The following EFCAB8 variants were observed in gnomAD, a reference collection of about 807,000 sequenced individuals.
EFCAB8 encodes the protein EF-hand calcium-binding domain-containing protein 8.
EFCAB8 carries 100 observed loss-of-function variants against 116.3 expected under a neutral mutation model. The observed-to-expected ratio is 0.86, with a 90% CI of 0.73 to 1.02. EFCAB8 has a LOEUF of 1.02. EFCAB8 is among the 50% of genes least tolerant of loss of function. EFCAB8 has a pLI of 0.00. For missense variants in EFCAB8, 1,320 were observed against 1,416.9 expected (o/e 0.93, Z 1.10); for synonymous variants, 558 against 567.9 (o/e 0.98, Z 0.25).
At chr20:32,939,195 CT>C (rs1170238933) in intron 22 of EFCAB8, among the ~76,000 whole-genome samples, 3 of 58,916 alleles carry the variant, frequency 5.1e-5, no homozygotes, top group South Asian at 4.9e-4. Context: ...TTCTTTCTTT[CT>C]TTCTTTCCTC....
chr20:32,918,283 T>A, intron 18 of EFCAB8, 79 bp from the exon 19 acceptor site: 1 of 1,406,668 alleles, frequency 7.1e-7, no homozygotes, highest in South Asian at 1.3e-5. Flanking sequence ...CCCTGTGGTG[T>A]TGGCATTGAT....
At chr20:32,887,785 C>T (rs575482273) in intron 6 of EFCAB8, among the ~76,000 whole-genome samples, 1 of 152,360 alleles carries the variant, frequency 6.6e-6, no homozygotes, top group East Asian at 1.9e-4. Flanking sequence ...GCAGGATGCA[C>T]CAGTGCTGAG....
chr20:32,889,061 G>T (rs1985778849), intron 6 of EFCAB8, among the ~76,000 whole-genome samples: 1 of 152,114 alleles, frequency 6.6e-6, no homozygotes, highest in Non-Finnish European at 1.5e-5. Flanking sequence ...CTGTGAGACT[G>T]CTCCAGAAAG....
intron 6 of EFCAB8, among the ~76,000 whole-genome samples, chr20:32,888,378 A>G (rs1400780422): frequency 6.6e-6 from 1 of 152,182 alleles, no homozygotes; most frequent in East Asian, 1.9e-4. Flanking sequence ...GGTGAGCACC[A>G]CCACGCCCAG....
intron 11 of EFCAB8, among the ~76,000 whole-genome samples, chr20:32,903,294 C>T (rs1986518932): frequency 6.6e-6 from 1 of 152,210 alleles, no homozygotes; most frequent in Non-Finnish European, 1.5e-5. Flanking sequence ...TTCAGGTCTC[C>T]GCTGCCCTGG....
intron 20 of EFCAB8, among the ~76,000 whole-genome samples, chr20:32,929,961 T>C (rs925635317): frequency 6.6e-6 from 1 of 152,232 alleles, no homozygotes; most frequent in African/African-American, 2.4e-5. Context: ...TTTAAAATGC[T>C]TTCTTGATGA....
chr20:32,957,282 T>C (rs974847533), intron 23 of EFCAB8, among the ~76,000 whole-genome samples: 2 of 151,902 alleles, frequency 1.3e-5, no homozygotes, highest in Admixed American at 6.6e-5. Context: ...ATTGGTTATA[T>C]TGGCCTTTTC....
In EFCAB8 at chr20:32,909,810, C is replaced by G. The variant is rs1986835146; in HGVS notation, c.1447-11C>G. ...GACAGACAAGCTCTCTGCCCCTTTCCTCACCTACAGATCGGGATCCTAAAA... is the reference window on the plus strand; with the variant it reads ...GACAGACAAGCTCTCTGCCCCTTTCGTCACCTACAGATCGGGATCCTAAAA... On this transcript the variant is annotated splice_polypyrimidine_tract_variant and intron_variant, in intron 14 of 26. Transcript: ENST00000400522. 4 of 1,237,948 alleles carry G rather than the reference C, an allele frequency of 3.2e-6. No homozygotes were observed. The highest frequency in any genetic ancestry group is 3.1e-5 in the African/African-American group (2 of 64,300). 76.7% of individuals were successfully genotyped at this position (1,237,948 alleles called of 1,614,324 possible). A position where few individuals can be genotyped will look rare whatever the true frequency, so the allele number is the denominator to read the frequency against.
chr20:32,903,211 T>C (rs1303127172), intron 11 of EFCAB8, among the ~76,000 whole-genome samples: 5 of 152,192 alleles, frequency 3.3e-5, no homozygotes, highest in Non-Finnish European at 7.3e-5. Context: ...CACACCGGCC[T>C]TGCATAGGCT....
chr20:32,900,518 G>A (rs980475277), intron 11 of EFCAB8, among the ~76,000 whole-genome samples: 7 of 151,588 alleles, frequency 4.6e-5, no homozygotes, highest in Admixed American at 6.6e-5. Context: ...GTGCCCCCGT[G>A]CTCAGCTAAT....
intron 22 of EFCAB8, among the ~76,000 whole-genome samples, chr20:32,931,624 G>T (rs1270140427): frequency 1.3e-5 from 2 of 152,148 alleles, no homozygotes; most frequent in African/African-American, 2.4e-5. Flanking sequence ...GAGTGTGGTG[G>T]TGCACTCCTT....
At chr20:32,868,903 T>TGAATCTGG (rs1268055853) in intron 3 of EFCAB8, among the ~76,000 whole-genome samples, 3 of 151,936 alleles carry the variant, frequency 2.0e-5, no homozygotes, top group African/African-American at 7.3e-5. Flanking sequence ...GAGAATCGCT[T>TGAATCTGG]GAATCTGGGA....
chr20:32,911,740 G>A (rs776208644), intron 16 of EFCAB8, 33 bp downstream of exon 16: 7 of 1,544,832 alleles, frequency 4.5e-6, no homozygotes, highest in East Asian at 2.4e-5. Context: ...AGCCAGGGAC[G>A]GCCTCTTGGG....
rs1333432144 is a variant in EFCAB8, at chr20:32,930,553, T to C, written c.2568T>C (p.Gly856=). Reference sequence around the variant, plus strand: ...TAGACAATGGGGATGTTGTCGTGGGTGCCATGGCCACTGATAAAAATGACT... The same window carrying C: ...TAGACAATGGGGATGTTGTCGTGGGCGCCATGGCCACTGATAAAAATGACT... ...VDLDNGDVVV[G]AMATDKNDWI... Residue 856 remains glycine, a synonymous_variant, in exon 21 of 27, where the codon GGT becomes GGC. Coordinates refer to ENST00000400522, the MANE Select transcript of EFCAB8 (RefSeq NM_001143967.2). 1 of 1,552,274 alleles carries C rather than the reference T, an allele frequency of 6.4e-7. No homozygotes were observed. Among genetic ancestry groups the C allele is most frequent in the Admixed American group, 2.0e-5 (1 of 51,006 alleles).
At chr20:32,949,955 G>T (rs369666933) in intron 23 of EFCAB8, among the ~76,000 whole-genome samples, 22 of 152,240 alleles carry the variant, frequency 1.4e-4, no homozygotes, top group African/African-American at 5.1e-4. Context: ...AGCCAAGATC[G>T]CACCACTGCA....
Position 32,961,836 on chromosome 20 carries a change from G to C in EFCAB8, c.*227G>C, listed in dbSNP as rs758708021. Among the ~76,000 whole-genome samples, 4 of 152,256 alleles carry C rather than the reference G, an allele frequency of 2.6e-5. No homozygotes were observed. Among genetic ancestry groups the C allele is most frequent in the Non-Finnish European group, 4.4e-5 (3 of 68,048 alleles). On this transcript the variant is annotated 3_prime_UTR_variant, in exon 27 of 27. Transcript: ENST00000400522. ...ATGTTCTCAGCTGTGGGCATCCACA[G>C]GTGATGAGGTTGGGCTGTGTGTTCC...
chr20:32,885,765 C>A, intron 6 of EFCAB8, 125 bp downstream of exon 6: 1 of 1,238,838 alleles, frequency 8.1e-7, no homozygotes, highest in South Asian at 1.6e-5. Context: ...GACTTGCAGT[C>A]ACAGCACCTG....
At chr20:32,929,795 G>A (rs1268624388) in intron 20 of EFCAB8, among the ~76,000 whole-genome samples, 6 of 152,128 alleles carry the variant, frequency 3.9e-5, no homozygotes, top group African/African-American at 1.4e-4. Flanking sequence ...CTCCTGCTGG[G>A]TGCCAGGCAA....
chr20:32,864,628 G>A (rs1465873901), intron 2 of EFCAB8, among the ~76,000 whole-genome samples: 4 of 151,978 alleles, frequency 2.6e-5, no homozygotes, highest in Non-Finnish European at 4.4e-5. Flanking sequence ...CAACACACCC[G>A]AGCCCCCTGA....
Sources: gnomAD v4.1 joint callset for allele counts (sites outside exome capture counted in the v4.1 genomes callset) on GRCh38, gnomAD v4.1.1 for gene constraint, MANE v1.5 for transcripts, NCBI Gene and HGNC (gene_info 2026-07-23, HGNC 2026-07-21) for gene names.